ARIH1: variants seen among roughly 807,000 people sequenced by gnomAD.
ARIH1 encodes E3 ubiquitin-protein ligase ARIH1.
In ARIH1, 8 loss-of-function variants were observed where a neutral mutation model predicts 85.0. The observed-to-expected ratio is 0.09, with a 90% CI of 0.06 to 0.17. The LOEUF is 0.17. ARIH1 is among the 10% of genes least tolerant of loss of function. The probability of loss-of-function intolerance (pLI) is 1.00; values close to 1 mark genes in which losing one functional copy is unlikely to be tolerated. For synonymous variants in ARIH1, 238 were observed against 253.6 expected (o/e 0.94, Z 0.59); for missense variants, 311 against 718.1 (o/e 0.43, Z 6.48).
rs533582212 is a variant in ARIH1 at position 72,540,131 on chromosome 15, G to A, written c.444-4689G>A. Among the ~76,000 whole-genome samples the A allele has an allele frequency of 3.9e-5, 6 of 151,936 alleles. No individual in the cohort carries two copies. In the South Asian group the frequency reaches 8.3e-4, roughly 21 times the overall value. On this transcript the variant is annotated intron_variant, in intron 2 of 13. Transcript: ENST00000379887. ...AAATTAGCTGGGCGTGGTGGCAGGCGCCTGTAGTCCCAGGTACTTGGGAGG... is the reference window on the plus strand; with the variant it reads ...AAATTAGCTGGGCGTGGTGGCAGGCACCTGTAGTCCCAGGTACTTGGGAGG...
intron 11 of ARIH1, chr15:72,580,426 A>T: frequency 3.5e-6 from 1 of 288,830 alleles, no homozygotes; most frequent in Non-Finnish European, 6.5e-6. Context: ...TACTGATTTC[A>T]ATTCCTTTTC....
chr15:72,595,085 TA>T lies in ARIH1; in HGVS notation c.*11794del, dbSNP rs757150284. ...CGTTTTTAGCTTTTAATAAGATTATTATGTATTTCTCTTTTTATTTTGTTAA... is the reference window on the plus strand; with the variant it reads ...CGTTTTTAGCTTTTAATAAGATTATTTGTATTTCTCTTTTTATTTTGTTAA... On this transcript the variant is annotated 3_prime_UTR_variant, in exon 14 of 14. Transcript: ENST00000379887. The T allele has an allele frequency of 9.2e-5, 14 of 152,180 alleles. No individual in the cohort carries two copies. The highest frequency in any genetic ancestry group is 1.6e-4 in the Non-Finnish European group (11 of 68,028). The allele number at this position is 152,180 out of a possible 1,614,324, so 9.4% of individuals were successfully genotyped here. A position where few individuals can be genotyped will look rare whatever the true frequency, so the allele number is the denominator to read the frequency against.
intron 1 of ARIH1, among the ~76,000 whole-genome samples, chr15:72,517,301 A>G (rs183573736): frequency 7.2e-4 from 110 of 152,312 alleles, no homozygotes; most frequent in Middle Eastern, 6.8e-3. Flanking sequence ...ACTGGGTCTA[A>G]CTATGTTGTC....
chr15:72,541,287 C>T (rs921608219), intron 2 of ARIH1, among the ~76,000 whole-genome samples: 2 of 152,062 alleles, frequency 1.3e-5, no homozygotes, highest in Middle Eastern at 3.2e-3. Flanking sequence ...GCTTCTCTCC[C>T]GACACTCAGC....
intron 1 of ARIH1, among the ~76,000 whole-genome samples, chr15:72,500,045 C>G: frequency 6.6e-6 from 1 of 152,034 alleles, no homozygotes; most frequent in East Asian, 1.9e-4. Context: ...AAGACATTGC[C>G]TTCTGCATTC....
chr15:72,508,554 A>G (rs1177153135), intron 1 of ARIH1, among the ~76,000 whole-genome samples: 2 of 152,234 alleles, frequency 1.3e-5, no homozygotes, highest in Non-Finnish European at 2.9e-5. Flanking sequence ...TGTAAATCAT[A>G]TCTAACTTGC....
chr15:72,533,658 G>A (rs2064068119), intron 2 of ARIH1, among the ~76,000 whole-genome samples: 1 of 152,212 alleles, frequency 6.6e-6, no homozygotes. Context: ...GGTGGCTCAT[G>A]CCTGTGGACT....
chr15:72,503,046 G>A (rs887824057), intron 1 of ARIH1, among the ~76,000 whole-genome samples: 1 of 152,214 alleles, frequency 6.6e-6, no homozygotes, highest in African/African-American at 2.4e-5. Context: ...TCTAGAGATT[G>A]TGTGGATTGT....
intron 1 of ARIH1, among the ~76,000 whole-genome samples, chr15:72,504,341 A>AC (rs780791991): frequency 6.6e-6 from 1 of 152,116 alleles, no homozygotes; most frequent in Non-Finnish European, 1.5e-5. Flanking sequence ...AGTGTGAGCC[A>AC]CCGCACCCAG....
intron 2 of ARIH1, among the ~76,000 whole-genome samples, chr15:72,536,845 T>C (rs2064084027): frequency 6.6e-6 from 1 of 152,168 alleles, no homozygotes; most frequent in African/African-American, 2.4e-5. Flanking sequence ...GTAAGCAAAC[T>C]TAGGAGATTT....
intron 3 of ARIH1, among the ~76,000 whole-genome samples, 158 bp downstream of exon 3, chr15:72,545,122 G>A (rs1320387993): frequency 6.6e-6 from 1 of 152,160 alleles, no homozygotes; most frequent in African/African-American, 2.4e-5. Context: ...AAGAAAAAGA[G>A]TAAAAGCTTG....
intron 1 of ARIH1, among the ~76,000 whole-genome samples, chr15:72,517,100 G>A (rs1051813435): frequency 6.6e-6 from 1 of 152,112 alleles, no homozygotes; most frequent in Non-Finnish European, 1.5e-5. Flanking sequence ...AGTAAACTTT[G>A]GTTTTATTTC....
At chr15:72,500,374 T>C (rs907562228) in intron 1 of ARIH1, among the ~76,000 whole-genome samples, 1 of 152,186 alleles carries the variant, frequency 6.6e-6, no homozygotes, top group Non-Finnish European at 1.5e-5. Flanking sequence ...ATTACAGGTG[T>C]GAGCCACTTT....
At chr15:72,561,072 T>C (rs2064195584) in intron 5 of ARIH1, among the ~76,000 whole-genome samples, 1 of 152,174 alleles carries the variant, frequency 6.6e-6, no homozygotes, top group South Asian at 2.1e-4. Flanking sequence ...CTGGCAACAA[T>C]ATCTGTCTCA....
chr15:72,517,166 A>G (rs1216900682), intron 1 of ARIH1, among the ~76,000 whole-genome samples: 1 of 152,246 alleles, frequency 6.6e-6, no homozygotes, highest in Non-Finnish European at 1.5e-5. Context: ...CCTGTAAACT[A>G]CTATGTGGTA....
At chr15:72,496,747 C>T (rs2063881784) in intron 1 of ARIH1, 1 of 953,772 alleles carries the variant, frequency 1.0e-6, no homozygotes. Flanking sequence ...TCTCTTTGGC[C>T]TTTGCCGCTG....
At chr15:72,579,271 C>T (rs1455890596) in intron 11 of ARIH1, among the ~76,000 whole-genome samples, 1 of 151,948 alleles carries the variant, frequency 6.6e-6, no homozygotes, top group Non-Finnish European at 1.5e-5. Flanking sequence ...ATGGATTTTG[C>T]TGGTTGCAAC....
intron 1 of ARIH1, 79 bp downstream of exon 1, chr15:72,475,093 AGGCCTG>A (rs1168435923): frequency 9.8e-6 from 15 of 1,527,288 alleles, no homozygotes; most frequent in Non-Finnish European, 8.8e-7. Flanking sequence ...CCCGAGGGAC[AGGCCTG>A]GGCCTGGTGC....
At chr15:72,559,277 G>GT (rs1271393296) in intron 5 of ARIH1, among the ~76,000 whole-genome samples, 2 of 151,622 alleles carry the variant, frequency 1.3e-5, no homozygotes, top group African/African-American at 4.8e-5. Context: ...TTTGTTTTTT[G>GT]TTTTTTTAAG....
Sources: gnomAD v4.1 joint callset for allele counts (sites outside exome capture counted in the v4.1 genomes callset) on GRCh38, gnomAD v4.1.1 for gene constraint, MANE v1.5 for transcripts, NCBI Gene and HGNC (gene_info 2026-07-23, HGNC 2026-07-21) for gene names.